SGCE: variants seen among roughly 807,000 people sequenced by gnomAD.
SGCE encodes sarcoglycan epsilon.
A neutral mutation model predicts 57.8 loss-of-function variants in SGCE; 26 were observed. That is an observed-to-expected ratio of 0.45 (90% CI 0.33 to 0.62). The LOEUF (loss-of-function observed/expected upper bound fraction) is 0.62. Among genes scored for constraint, SGCE ranks in the 20% least tolerant of loss-of-function variants. SGCE has a pLI of 0.02. For missense variants in SGCE, 468 were observed against 548.6 expected (o/e 0.85, Z 1.47); for synonymous variants, 183 against 189.5 (o/e 0.97, Z 0.28).
chr7:94,606,883 C>T (rs528573466), intron 5 of SGCE, among the ~76,000 whole-genome samples: 1 of 152,058 alleles, frequency 6.6e-6, no homozygotes, highest in Non-Finnish European at 1.5e-5. Context: ...AAGGAGAAAT[C>T]TTGGATGAAA....
chr7:94,639,914 T>C (rs921776000), intron 1 of SGCE, among the ~76,000 whole-genome samples: 1 of 152,142 alleles, frequency 6.6e-6, no homozygotes, highest in African/African-American at 2.4e-5. Flanking sequence ...TAAGGAATAC[T>C]AAGTAGGGGC....
chr7:94,619,119 TA>T, intron 4 of SGCE, 163 bp from the exon 5 acceptor site: 1 of 632,458 alleles, frequency 1.6e-6, no homozygotes, highest in South Asian at 1.8e-5. Context: ...AGGATGTATC[TA>T]AAAACATAAC....
At chr7:94,629,693 C>CT (rs748722001) in intron 2 of SGCE, 26 bp downstream of exon 2, 13 of 1,607,584 alleles carry the variant, frequency 8.1e-6, no homozygotes, top group African/African-American at 4.0e-5. Context: ...ACGTTAACTG[C>CT]TTTTTTTTCC....
At chr7:94,598,264 A>C (rs900088475) in intron 9 of SGCE, 1 of 178,716 alleles carries the variant, frequency 5.6e-6, no homozygotes. Flanking sequence ...CAAGGTTTGC[A>C]CTAATAAAAT....
chr7:94,614,932 T>G (rs1459108042), intron 5 of SGCE, among the ~76,000 whole-genome samples: 1 of 152,210 alleles, frequency 6.6e-6, no homozygotes, highest in Non-Finnish European at 1.5e-5. Flanking sequence ...TTGACTTCAT[T>G]TGTTTTTTTG....
intron 1 of SGCE, among the ~76,000 whole-genome samples, chr7:94,652,599 C>A (rs1270641188): frequency 1.3e-5 from 2 of 152,124 alleles, no homozygotes; most frequent in Non-Finnish European, 2.9e-5. Context: ...CTGGTGTTGT[C>A]CCTTATTTTC....
At chr7:94,639,955 T>C (rs1377918653) in intron 1 of SGCE, among the ~76,000 whole-genome samples, 5 of 152,088 alleles carry the variant, frequency 3.3e-5, no homozygotes, top group Non-Finnish European at 7.4e-5. Flanking sequence ...GCAGTCAGGG[T>C]GAAGCACAAG....
intron 5 of SGCE, among the ~76,000 whole-genome samples, chr7:94,603,910 C>T (rs1010967807): frequency 2.0e-5 from 3 of 152,018 alleles, no homozygotes; most frequent in African/African-American, 7.2e-5. Flanking sequence ...TAAATTACAT[C>T]CCTGGAGGTA....
At chr7:94,635,798 G>T (rs576913038) in intron 1 of SGCE, among the ~76,000 whole-genome samples, 2 of 152,248 alleles carry the variant, frequency 1.3e-5, no homozygotes, top group African/African-American at 2.4e-5. Context: ...GATTTACCTT[G>T]TGTTTTATCA....
At chr7:94,592,651 A>G (rs1234417663) in intron 9 of SGCE, among the ~76,000 whole-genome samples, 1 of 152,198 alleles carries the variant, frequency 6.6e-6, no homozygotes, top group Non-Finnish European at 1.5e-5. Flanking sequence ...TAACTTGCAA[A>G]TTAATAAATA....
intron 1 of SGCE, among the ~76,000 whole-genome samples, chr7:94,633,546 C>T (rs1351733602): frequency 6.6e-6 from 1 of 152,020 alleles, no homozygotes; most frequent in Non-Finnish European, 1.5e-5. Context: ...GGTATAGAAT[C>T]TGCAGCCATT....
chr7:94,591,968 A>G (rs956638292), intron 9 of SGCE, among the ~76,000 whole-genome samples: 5 of 152,178 alleles, frequency 3.3e-5, no homozygotes, highest in Admixed American at 1.3e-4. Flanking sequence ...TTTCAAAGGA[A>G]ACTTAGATGA....
chr7:94,601,464 A>AAAC (rs1799240696), intron 6 of SGCE, among the ~76,000 whole-genome samples: 2 of 109,708 alleles, frequency 1.8e-5, no homozygotes, highest in African/African-American at 5.7e-5. Context: ...AAAAAAAAAA[A>AAAC]AAAAAAAAAA....
intron 5 of SGCE, among the ~76,000 whole-genome samples, chr7:94,606,726 T>A (rs565244664): frequency 6.6e-6 from 1 of 152,072 alleles, no homozygotes; most frequent in African/African-American, 2.4e-5. Flanking sequence ...CCATAAAAAA[T>A]TAACAAATTT....
intron 1 of SGCE, among the ~76,000 whole-genome samples, chr7:94,648,090 T>C (rs1390759747): frequency 6.6e-6 from 1 of 151,984 alleles, no homozygotes. Flanking sequence ...AAGGAATTAC[T>C]GGCCAGGTGT....
chr7:94,615,415 TA>T (rs1474234825), intron 5 of SGCE, among the ~76,000 whole-genome samples: 3 of 129,948 alleles, frequency 2.3e-5, no homozygotes, highest in African/African-American at 8.6e-5. Flanking sequence ...GATAGATAGA[TA>T]GATAGATAAA....
intron 1 of SGCE, among the ~76,000 whole-genome samples, chr7:94,636,252 T>C (rs1377124964): frequency 7.9e-5 from 12 of 152,210 alleles, no homozygotes; most frequent in Admixed American, 7.9e-4. Flanking sequence ...ATCAATAAGC[T>C]TAGTGTCATA....
intron 5 of SGCE, among the ~76,000 whole-genome samples, chr7:94,604,693 C>A (rs183960276): frequency 1.3e-5 from 2 of 150,542 alleles, no homozygotes; most frequent in Non-Finnish European, 3.0e-5. Context: ...ATATCCTGTC[C>A]TACCTAAGAA....
At chr7:94,604,502 C>T (rs192683608) in intron 5 of SGCE, among the ~76,000 whole-genome samples, 1 of 151,802 alleles carries the variant, frequency 6.6e-6, no homozygotes, top group East Asian at 1.9e-4. Flanking sequence ...CTCAGAGCTA[C>T]AGTAAGCAAG....
Sources: allele counts gnomAD v4.1 joint callset (sites outside exome capture counted in the v4.1 genomes callset), GRCh38; gene constraint gnomAD v4.1.1; transcripts MANE v1.5; gene names NCBI Gene and HGNC (gene_info 2026-07-23, HGNC 2026-07-21).